The following DNAJC6 variants were observed in gnomAD, a reference collection of about 807,000 sequenced individuals.
DNAJC6 encodes auxilin.
A neutral mutation model predicts 110.0 loss-of-function variants in DNAJC6; 34 were observed. The ratio of observed to expected loss-of-function variants is 0.31; its 90% CI spans 0.24 to 0.41. The LOEUF (loss-of-function observed/expected upper bound fraction) is 0.41, where lower values mean the gene tolerates loss of function less well. Among genes scored for constraint, DNAJC6 ranks in the 10% least tolerant of loss-of-function variants. The pLI, the probability that DNAJC6 is intolerant of heterozygous loss-of-function variation, is 1.00. For missense variants in DNAJC6, 1,031 were observed against 1,207.8 expected, an observed-to-expected ratio of 0.85 and a Z score of 2.17; for synonymous variants, 406 against 437.2, an observed-to-expected ratio of 0.93 and a Z score of 0.89.
At chr1:65,367,873 ATT>A (rs67626971) in intron 4 of DNAJC6, among the ~76,000 whole-genome samples, 55,237 of 136,442 alleles carry the variant, frequency 0.4, 10,982 homozygotes, top group Middle Eastern at 0.5. Context: ...AGGAGGGAGC[ATT>A]TTTTTTTTTT....
chr1:65,328,114 TACAC>T (rs1645257277), intron 1 of DNAJC6, among the ~76,000 whole-genome samples: 1 of 152,180 alleles, frequency 6.6e-6, no homozygotes, highest in South Asian at 2.1e-4. Flanking sequence ...CATAAACACA[TACAC>T]ACATATATTT....
At chr1:65,392,918 G>T (rs534244218) in intron 12 of DNAJC6, 53 bp downstream of exon 12, 16 of 1,418,478 alleles carry the variant, frequency 1.1e-5, no homozygotes, top group Non-Finnish European at 1.5e-5. Flanking sequence ...CTAACCTTTG[G>T]GCCAAATAGG....
chr1:65,376,139 T>C (rs1160922456), intron 4 of DNAJC6, among the ~76,000 whole-genome samples: 1 of 152,176 alleles, frequency 6.6e-6, no homozygotes, highest in Non-Finnish European at 1.5e-5. Flanking sequence ...TCCAGGCATT[T>C]ATCCATTTCT....
At chr1:65,296,059 T>G (rs948148309) in intron 1 of DNAJC6, among the ~76,000 whole-genome samples, 5 of 152,238 alleles carry the variant, frequency 3.3e-5, no homozygotes, top group African/African-American at 1.2e-4. Context: ...TCTTCTGCCT[T>G]CTTTTGAAAA....
At chr1:65,266,112 T>C (rs976496886) in intron 1 of DNAJC6, among the ~76,000 whole-genome samples, 5 of 152,174 alleles carry the variant, frequency 3.3e-5, no homozygotes, top group African/African-American at 1.2e-4. Flanking sequence ...GCTAAGTTCT[T>C]TGGGTGAGAC....
chr1:65,306,127 AAG>A (rs1296916425), upstream of DNAJC6, among the ~76,000 whole-genome samples: 1 of 147,742 alleles, frequency 6.8e-6, no homozygotes, highest in Non-Finnish European at 1.5e-5. Context: ...GGCTCACTGC[AAG>A]CTCCACCTCC....
intron 1 of DNAJC6, chr1:65,265,013 CAT>C (rs1653269290): frequency 1.5e-6 from 2 of 1,343,544 alleles, no homozygotes; most frequent in Non-Finnish European, 1.1e-6. Context: ...ACTCCACAGA[CAT>C]ATTTAGTTTG....
intron 1 of DNAJC6, among the ~76,000 whole-genome samples, chr1:65,276,688 G>T (rs1653685558): frequency 6.6e-6 from 1 of 152,086 alleles, no homozygotes; most frequent in African/African-American, 2.4e-5. Context: ...CTTTTCATTT[G>T]CTTTCTCGTT....
At chr1:65,371,229 A>G (rs1332392840) in intron 4 of DNAJC6, among the ~76,000 whole-genome samples, 1 of 152,196 alleles carries the variant, frequency 6.6e-6, no homozygotes, top group African/African-American at 2.4e-5. Context: ...AGATGAAGCC[A>G]TATAGTGTAT....
intron 1 of DNAJC6, among the ~76,000 whole-genome samples, chr1:65,283,909 GT>G (rs1653930468): frequency 6.6e-6 from 1 of 152,108 alleles, no homozygotes; most frequent in Non-Finnish European, 1.5e-5. Flanking sequence ...AATATGTTAA[GT>G]TTTGAACTCA....
At chr1:65,404,218 A>C (rs943153530) in intron 15 of DNAJC6, among the ~76,000 whole-genome samples, 1 of 152,196 alleles carries the variant, frequency 6.6e-6, no homozygotes. Context: ...ACATTTTCCT[A>C]TCACCAAGTG....
chr1:65,349,295 T>C (rs550281484), intron 1 of DNAJC6, among the ~76,000 whole-genome samples: 1 of 151,814 alleles, frequency 6.6e-6, no homozygotes, highest in Admixed American at 6.6e-5. Flanking sequence ...ATATTTTTCA[T>C]CTGTGTAATA....
intron 1 of DNAJC6, among the ~76,000 whole-genome samples, chr1:65,283,960 G>T (rs988971456): frequency 6.6e-6 from 1 of 152,038 alleles, no homozygotes; most frequent in African/African-American, 2.4e-5. Context: ...GATTTCCATA[G>T]GCCTCTATAC....
At chr1:65,374,840 G>GT (rs1222329539) in intron 4 of DNAJC6, among the ~76,000 whole-genome samples, 1 of 152,080 alleles carries the variant, frequency 6.6e-6, no homozygotes, top group Non-Finnish European at 1.5e-5. Flanking sequence ...GCGAAAGTGG[G>GT]TATCGTTGTT....
At chr1:65,298,082 C>T (rs1644944269) in intron 1 of DNAJC6, among the ~76,000 whole-genome samples, 2 of 152,112 alleles carry the variant, frequency 1.3e-5, no homozygotes, top group African/African-American at 2.4e-5. Context: ...GAGACTGAAT[C>T]GAGTAATAAA....
chr1:65,334,175 C>T (rs557892633), intron 1 of DNAJC6, among the ~76,000 whole-genome samples: 1 of 152,278 alleles, frequency 6.6e-6, no homozygotes, highest in Admixed American at 6.5e-5. Context: ...ACACAAACTG[C>T]AAGTATAACA....
intron 1 of DNAJC6, among the ~76,000 whole-genome samples, chr1:65,313,545 G>A (rs1291911072): frequency 6.6e-6 from 1 of 152,190 alleles, no homozygotes; most frequent in Non-Finnish European, 1.5e-5. Context: ...AGGTAGAATA[G>A]ATAATGACAG....
intron 16 of DNAJC6, among the ~76,000 whole-genome samples, chr1:65,408,158 C>T (rs1445787430): frequency 2.0e-5 from 3 of 152,176 alleles, no homozygotes. Flanking sequence ...AGCCACCATG[C>T]TCGGCTGCCT....
intron 1 of DNAJC6, among the ~76,000 whole-genome samples, chr1:65,336,419 A>G (rs1335272202): frequency 6.6e-6 from 1 of 152,142 alleles, no homozygotes; most frequent in Non-Finnish European, 1.5e-5. Flanking sequence ...CAGCCAAACC[A>G]TGTCAACATT....
Sources: gnomAD v4.1 joint callset for allele counts (sites outside exome capture counted in the v4.1 genomes callset) on GRCh38, gnomAD v4.1.1 for gene constraint, MANE v1.5 for transcripts, NCBI Gene and HGNC (gene_info 2026-07-23, HGNC 2026-07-21) for gene names.